Variants in PDZD2 observed in about 807,000 individuals in gnomAD.
PDZD2 encodes the protein PDZ domain-containing protein 2.
A neutral mutation model predicts 220.7 loss-of-function variants in PDZD2; 90 were observed. The observed-to-expected ratio is 0.41, with a 90% confidence interval of 0.34 to 0.49. PDZD2 has a LOEUF of 0.49. Among genes scored for constraint, PDZD2 ranks in the 20% least tolerant of loss-of-function variants. PDZD2 has a pLI of 0.28. For synonymous variants in PDZD2, 1,375 were observed against 1,450.5 expected (o/e 0.95, Z 1.18); for missense variants, 3,174 against 3,608.5 (o/e 0.88, Z 3.08).
At chr5:31,732,795 C>G (rs1749615363) in intron 1 of PDZD2, among the ~76,000 whole-genome samples, 1 of 152,156 alleles carries the variant, frequency 6.6e-6, no homozygotes, top group East Asian at 1.9e-4. Context: ...GTGGTATGAT[C>G]TCAGCTCACT....
At chr5:31,821,582 T>C (rs1755864595) in intron 2 of PDZD2, among the ~76,000 whole-genome samples, 1 of 152,154 alleles carries the variant, frequency 6.6e-6, no homozygotes, top group Non-Finnish European at 1.5e-5. Flanking sequence ...GGTTTCACCA[T>C]GTTGGCCAGG....
At chr5:31,923,880 G>A (rs141575782) in intron 2 of PDZD2, among the ~76,000 whole-genome samples, 22 of 152,250 alleles carry the variant, frequency 1.4e-4, no homozygotes, top group Non-Finnish European at 2.8e-4. Context: ...CAAGCTTCAA[G>A]CTTATTCCCC....
At chr5:32,072,691 A>T (rs1438466637) in intron 17 of PDZD2, among the ~76,000 whole-genome samples, 1 of 152,232 alleles carries the variant, frequency 6.6e-6, no homozygotes, top group Non-Finnish European at 1.5e-5. Flanking sequence ...AGATCGCACC[A>T]TTAGACAATG....
At chr5:31,836,228 C>CTTTTTTTTTTTTTTTTT (rs34323361) in intron 2 of PDZD2, among the ~76,000 whole-genome samples, 1 of 122,172 alleles carries the variant, frequency 8.2e-6, no homozygotes. Context: ...ATTTTATTGG[C>CTTTTTTTTTTTTTTTTT]TTTTTTTTTT....
intron 2 of PDZD2, among the ~76,000 whole-genome samples, chr5:31,911,827 T>C (rs2150369151): frequency 6.6e-6 from 1 of 152,328 alleles, no homozygotes; most frequent in African/African-American, 2.4e-5. Context: ...TCTTCTGCCA[T>C]GCTCCTCAGA....
intron 2 of PDZD2, among the ~76,000 whole-genome samples, chr5:31,890,308 T>C (rs180728710): frequency 1.3e-5 from 2 of 152,094 alleles, no homozygotes; most frequent in African/African-American, 4.8e-5. Context: ...TTTTTCATTT[T>C]AATTAGGTTT....
At chr5:32,019,676 TAC>T (rs1418948582) in intron 6 of PDZD2, among the ~76,000 whole-genome samples, 1 of 152,202 alleles carries the variant, frequency 6.6e-6, no homozygotes, top group African/African-American at 2.4e-5. Flanking sequence ...CATTAGGAAA[TAC>T]AGTTAAAAAA....
At chr5:31,962,355 C>A (rs939016217) in intron 2 of PDZD2, among the ~76,000 whole-genome samples, 2 of 152,094 alleles carry the variant, frequency 1.3e-5, no homozygotes, top group African/African-American at 4.8e-5. Flanking sequence ...GGTGCCAATA[C>A]GTAAATCCTT....
chr5:31,818,893 T>G (rs927687403), intron 2 of PDZD2, among the ~76,000 whole-genome samples: 1 of 152,228 alleles, frequency 6.6e-6, no homozygotes, highest in African/African-American at 2.4e-5. Context: ...AGATATAATT[T>G]TTTGTTTCCT....
chr5:31,833,247 T>C (rs1756725732), intron 2 of PDZD2, among the ~76,000 whole-genome samples: 1 of 152,048 alleles, frequency 6.6e-6, no homozygotes, highest in Non-Finnish European at 1.5e-5. Flanking sequence ...GGTAGGCAGA[T>C]TGCTTGAGTC....
At chr5:31,787,108 G>C (rs1204571196) in intron 1 of PDZD2, among the ~76,000 whole-genome samples, 1 of 152,236 alleles carries the variant, frequency 6.6e-6, no homozygotes, top group African/African-American at 2.4e-5. Flanking sequence ...ACATGGACAG[G>C]ATGATCAGAA....
chr5:32,100,943 T>C (rs1744200370), intron 23 of PDZD2, 162 bp from the exon 24 acceptor site: 1 of 1,600,264 alleles, frequency 6.2e-7, no homozygotes, highest in Non-Finnish European at 8.5e-7. Flanking sequence ...ACAGTGCTAC[T>C]GGGCTCAAGT....
At position 32,024,346 on chromosome 5, in the gene PDZD2, A is replaced by G. The variant is rs555697293; in HGVS notation, c.1408-12885A>G. Among the ~76,000 whole-genome samples, 6 of 152,310 alleles carry G rather than the reference A, an allele frequency of 3.9e-5. No homozygotes were observed. The South Asian group carries it at 8.3e-4, about 21-fold the overall frequency. ...GCATAAGCGCTTAGCTAAGATGGAA[A>G]AGGCATTAGATTTGTGGGTGGAAGA... On this transcript the variant is annotated intron_variant, in intron 6 of 24. Transcript: ENST00000438447.
intron 2 of PDZD2, among the ~76,000 whole-genome samples, chr5:31,964,286 G>C (rs1748517984): frequency 6.6e-6 from 1 of 151,830 alleles, no homozygotes; most frequent in Admixed American, 6.6e-5. Context: ...CACCATCTGA[G>C]TCCATTATCC....
chr5:31,833,524 T>A (rs1756747062), intron 2 of PDZD2, among the ~76,000 whole-genome samples: 1 of 149,476 alleles, frequency 6.7e-6, no homozygotes, highest in South Asian at 2.1e-4. Context: ...GAGCTCGTAA[T>A]CCGCCCACCT....
chr5:31,938,722 A>T lies in PDZD2; in HGVS notation c.477-44433A>T, dbSNP rs140502046. Among the ~76,000 whole-genome samples the T allele has an allele frequency of 2.0e-5, 3 of 152,320 alleles. No homozygotes were observed. In the East Asian group the frequency reaches 5.8e-4, roughly 29 times the overall value. On this transcript the variant is annotated intron_variant, in intron 2 of 24. Coordinates refer to ENST00000438447, the MANE Select transcript of PDZD2 (RefSeq NM_178140.4). ...AGACAGCTGAATACCATGTTTTCTC[A>T]TATTTAGAACAATGTTTCTTTATTG...
At chr5:31,894,645 C>T (rs146849900) in intron 2 of PDZD2, among the ~76,000 whole-genome samples, 96 of 152,220 alleles carry the variant, frequency 6.3e-4, no homozygotes, top group Non-Finnish European at 1.1e-3. Flanking sequence ...TTATAATTAG[C>T]GTGTGTCCTG....
intron 1 of PDZD2, among the ~76,000 whole-genome samples, chr5:31,783,393 G>C (rs1753172316): frequency 6.6e-6 from 1 of 152,202 alleles, no homozygotes; most frequent in Non-Finnish European, 1.5e-5. Context: ...TTGCCAGGCA[G>C]GGGGCTAGAG....
intron 2 of PDZD2, among the ~76,000 whole-genome samples, chr5:31,836,254 TC>T: frequency 8.5e-6 from 1 of 117,446 alleles, no homozygotes; most frequent in African/African-American, 3.3e-5. Context: ...TGAGACAGAG[TC>T]TTGATCTGTG....
Sources: gnomAD v4.1 joint callset for allele counts (sites outside exome capture counted in the v4.1 genomes callset) on GRCh38, gnomAD v4.1.1 for gene constraint, MANE v1.5 for transcripts, NCBI Gene and HGNC (gene_info 2026-07-23, HGNC 2026-07-21) for gene names.